KCNQ5: variants seen among roughly 807,000 people sequenced by gnomAD.
The protein encoded by KCNQ5 is potassium voltage-gated channel subfamily KQT member 5.
KCNQ5 carries 30 observed loss-of-function variants against 98.2 expected under a neutral mutation model. The ratio of observed to expected loss-of-function variants is 0.31; its 90% confidence interval spans 0.23 to 0.41. The LOEUF is 0.41. Among genes scored for constraint, KCNQ5 ranks in the 10% least tolerant of loss-of-function variants. KCNQ5 has a pLI of 1.00. For synonymous variants in KCNQ5, 458 were observed against 449.4 expected, an observed-to-expected ratio of 1.02 and a Z score of -0.24; for missense variants, 835 against 1,182.5, an observed-to-expected ratio of 0.71 and a Z score of 4.31.
chr6:72,897,229 GA>G (rs543260538), intron 1 of KCNQ5, among the ~76,000 whole-genome samples: 8 of 151,800 alleles, frequency 5.3e-5, no homozygotes, highest in South Asian at 2.1e-4. Flanking sequence ...GAAATTATTG[GA>G]AAAAAAATTT....
At chr6:72,835,486 C>A (rs1776465797) in intron 1 of KCNQ5, among the ~76,000 whole-genome samples, 1 of 151,900 alleles carries the variant, frequency 6.6e-6, no homozygotes, top group African/African-American at 2.4e-5. Flanking sequence ...TCTTAGATCA[C>A]AAAATAAGGA....
At chr6:72,922,539 G>A (rs1780445697) in intron 1 of KCNQ5, among the ~76,000 whole-genome samples, 1 of 152,000 alleles carries the variant, frequency 6.6e-6, no homozygotes. Flanking sequence ...CTGAAATGTT[G>A]TATGCTCTGA....
intron 1 of KCNQ5, among the ~76,000 whole-genome samples, chr6:72,693,105 G>C (rs564732674): frequency 1.3e-5 from 2 of 152,238 alleles, no homozygotes; most frequent in Non-Finnish European, 2.9e-5. Context: ...AGATTTATGT[G>C]TTACTAACTT....
chr6:72,832,639 G>A (rs1443017696), intron 1 of KCNQ5, among the ~76,000 whole-genome samples: 3 of 152,172 alleles, frequency 2.0e-5, no homozygotes, highest in Non-Finnish European at 4.4e-5. Flanking sequence ...ACAAGAAATG[G>A]AAAGCAGAAA....
intron 10 of KCNQ5, chr6:73,157,498 C>G: frequency 2.8e-6 from 2 of 706,612 alleles, no homozygotes; most frequent in Non-Finnish European, 5.3e-6. Flanking sequence ...ACCAACTCCC[C>G]GGTGACCAGA....
intron 1 of KCNQ5, among the ~76,000 whole-genome samples, chr6:72,917,428 G>A (rs1257815616): frequency 6.6e-6 from 1 of 151,256 alleles, no homozygotes; most frequent in Non-Finnish European, 1.5e-5. Flanking sequence ...GGATTTAGGA[G>A]CCCCCCCACC....
Position 73,196,561 on chromosome 6 carries a change from G to C in KCNQ5, c.*1147G>C, listed in dbSNP as rs1414669721. On this transcript the variant is annotated 3_prime_UTR_variant, in exon 14 of 14. Coordinates refer to ENST00000370398, the MANE Select transcript of KCNQ5 (RefSeq NM_019842.4). ...TCTTATATATAAGCAGAGAATTTTT[G>C]CAAGGTATTTATTTTTTAATATGCC... 6.6e-6 allele frequency: 1 copy of C among 152,136 alleles called. No individual in the cohort carries two copies. The highest frequency in any genetic ancestry group is 1.5e-5 in the Non-Finnish European group (1 of 68,036). The allele number at this position is 152,136 out of a possible 1,614,324, so 9.4% of individuals were successfully genotyped here. A position where few individuals can be genotyped will look rare whatever the true frequency, so the allele number is the denominator to read the frequency against.
chr6:73,042,102 A>G, intron 3 of KCNQ5, 40 bp downstream of exon 3: 3 of 1,610,952 alleles, frequency 1.9e-6, no homozygotes, highest in Non-Finnish European at 2.5e-6. Flanking sequence ...TATGACACCA[A>G]CATTCTTGTC....
At chr6:72,880,115 G>A (rs559794044) in intron 1 of KCNQ5, among the ~76,000 whole-genome samples, 1 of 152,248 alleles carries the variant, frequency 6.6e-6, no homozygotes, top group Admixed American at 6.5e-5. Context: ...TTTATGGTTT[G>A]TTTGGAAAAT....
At chr6:72,882,782 C>T (rs566883705) in intron 1 of KCNQ5, among the ~76,000 whole-genome samples, 8 of 152,182 alleles carry the variant, frequency 5.3e-5, no homozygotes, top group African/African-American at 7.2e-5. Flanking sequence ...ATTCTAGGAA[C>T]GGTTTAACTC....
At position 72,731,196 on chromosome 6, in the gene KCNQ5, G is replaced by A. The variant is rs57079438; in HGVS notation, c.398+108609G>A. Among the ~76,000 whole-genome samples the A allele has an allele frequency of 3.5e-3, 532 of 152,284 alleles. 5 individuals carry two copies. The highest frequency in any genetic ancestry group is 0.012 in the African/African-American group (508 of 41,554). On this transcript the variant is annotated intron_variant, in intron 1 of 13. Coordinates refer to ENST00000370398, the MANE Select transcript of KCNQ5 (RefSeq NM_019842.4). ...TTAAGTGAAAATGAGAGGACAGGTG[G>A]GTAGAGATAGCATATTAGGTGCTAA...
chr6:72,938,178 A>G (rs1194271061), intron 1 of KCNQ5, among the ~76,000 whole-genome samples: 1 of 152,154 alleles, frequency 6.6e-6, no homozygotes, highest in African/African-American at 2.4e-5. Flanking sequence ...TTAATAAACT[A>G]AAGCATTTCC....
At chr6:73,183,562 G>A (rs892539884) in intron 11 of KCNQ5, among the ~76,000 whole-genome samples, 5 of 152,160 alleles carry the variant, frequency 3.3e-5, no homozygotes, top group Non-Finnish European at 7.3e-5. Context: ...TAGAGACAGA[G>A]GCAGTTCCAG....
intron 10 of KCNQ5, 123 bp downstream of exon 10, chr6:73,133,764 G>A (rs1488220365): frequency 1.1e-6 from 1 of 909,922 alleles, no homozygotes; most frequent in Non-Finnish European, 1.7e-6. Flanking sequence ...AGAAAGAATT[G>A]TTTGTTTGTT....
intron 2 of KCNQ5, among the ~76,000 whole-genome samples, chr6:73,026,068 T>C (rs1032952815): frequency 1.3e-5 from 2 of 152,210 alleles, no homozygotes; most frequent in Non-Finnish European, 2.9e-5. Context: ...TGTCCCAGTT[T>C]CCATGCCCTG....
chr6:72,875,482 G>A (rs1387618967), intron 1 of KCNQ5, among the ~76,000 whole-genome samples: 1 of 152,132 alleles, frequency 6.6e-6, no homozygotes, highest in Non-Finnish European at 1.5e-5. Flanking sequence ...AGTTTTCTCA[G>A]ATACACATTA....
At chr6:72,645,874 A>T (rs1320862400) in intron 1 of KCNQ5, among the ~76,000 whole-genome samples, 2 of 152,146 alleles carry the variant, frequency 1.3e-5, no homozygotes, top group African/African-American at 4.8e-5. Flanking sequence ...GAGTCCTTTA[A>T]TGAAAGAAAA....
intron 1 of KCNQ5, among the ~76,000 whole-genome samples, chr6:72,996,465 G>C (rs1769302898): frequency 1.3e-5 from 2 of 152,196 alleles, no homozygotes; most frequent in Non-Finnish European, 2.9e-5. Flanking sequence ...TTAAAATACG[G>C]TAAGCTGGTT....
chr6:72,800,300 A>C (rs1335568702), intron 1 of KCNQ5, among the ~76,000 whole-genome samples: 1 of 152,190 alleles, frequency 6.6e-6, no homozygotes, highest in Non-Finnish European at 1.5e-5. Flanking sequence ...CCACAATTTC[A>C]GAGCCTGTTA....
Sources: gnomAD v4.1 joint callset for allele counts (sites outside exome capture counted in the v4.1 genomes callset) on GRCh38, gnomAD v4.1.1 for gene constraint, MANE v1.5 for transcripts, NCBI Gene and HGNC (gene_info 2026-07-23, HGNC 2026-07-21) for gene names.